RBFOX1: variants seen among roughly 807,000 people sequenced by gnomAD.
The protein encoded by RBFOX1 is RNA binding fox-1 homolog 1.
A neutral mutation model predicts 57.7 loss-of-function variants in RBFOX1; 8 were observed. That is an observed-to-expected ratio of 0.14 (90% CI 0.08 to 0.25). RBFOX1 has a LOEUF of 0.25. Among genes scored for constraint, RBFOX1 ranks in the 10% least tolerant of loss-of-function variants. RBFOX1 has a pLI of 1.00. For synonymous variants in RBFOX1, 326 were observed against 222.4 expected (o/e 1.47, Z -4.15); for missense variants, 611 against 548.5 (o/e 1.11, Z -1.14).
chr16:6,045,567 C>T (rs57893338), intron 1 of RBFOX1, among the ~76,000 whole-genome samples: 1 of 152,128 alleles, frequency 6.6e-6, no homozygotes, highest in Admixed American at 6.6e-5. Context: ...GAATACCTGT[C>T]AGACACCAGG....
intron 3 of RBFOX1, among the ~76,000 whole-genome samples, chr16:6,766,525 C>T (rs560220048): frequency 6.6e-6 from 1 of 151,832 alleles, no homozygotes; most frequent in East Asian, 2.0e-4. Context: ...TAGCACTGTC[C>T]AATAGAACTT....
At chr16:7,703,490 G>A (rs370115154) in intron 14 of RBFOX1, among the ~76,000 whole-genome samples, 121 of 152,268 alleles carry the variant, frequency 7.9e-4, no homozygotes, top group African/African-American at 2.8e-3. Context: ...ACTAATGGAA[G>A]AATAAAAAGT....
chr16:5,272,705 G>C (rs2063044448), intron 1 of RBFOX1, among the ~76,000 whole-genome samples: 1 of 152,146 alleles, frequency 6.6e-6, no homozygotes, highest in African/African-American at 2.4e-5. Context: ...ATCCTTGCTT[G>C]GTGTTGGCCA....
chr16:7,705,501 T>G (rs2082147579), intron 14 of RBFOX1, among the ~76,000 whole-genome samples: 4 of 152,066 alleles, frequency 2.6e-5, no homozygotes, highest in Admixed American at 2.6e-4. Flanking sequence ...CAAGACCAAC[T>G]CAAAAAAATA....
chr16:5,251,125 G>A (rs1335871361), intron 1 of RBFOX1, among the ~76,000 whole-genome samples: 3 of 136,078 alleles, frequency 2.2e-5, no homozygotes, highest in Non-Finnish European at 5.0e-5. Context: ...CCCTGCTAAC[G>A]GTCCCCCCAG....
intron 3 of RBFOX1, among the ~76,000 whole-genome samples, chr16:5,862,680 G>A (rs909286490): frequency 1.3e-5 from 2 of 152,138 alleles, no homozygotes; most frequent in East Asian, 1.9e-4. Flanking sequence ...TCCTTATCTG[G>A]ATCCATTTAA....
chr16:5,536,130 GTTCTTACCTCAAC>G (rs2044688102), intron 2 of RBFOX1, among the ~76,000 whole-genome samples: 1 of 133,900 alleles, frequency 7.5e-6, no homozygotes, highest in South Asian at 2.5e-4. Context: ...TTATTTAACA[GTTCTTACCTCAAC>G]TTATTTCTCT....
At chr16:5,923,167 G>T (rs558470257) in intron 4 of RBFOX1, among the ~76,000 whole-genome samples, 1 of 152,300 alleles carries the variant, frequency 6.6e-6, no homozygotes, top group African/African-American at 2.4e-5. Context: ...AGGAAAAACG[G>T]CTGCTAATGT....
At chr16:5,559,361 T>G (rs2045803342) in intron 2 of RBFOX1, among the ~76,000 whole-genome samples, 2 of 152,166 alleles carry the variant, frequency 1.3e-5, no homozygotes, top group Admixed American at 1.3e-4. Flanking sequence ...AGCCATTTGT[T>G]TTGTAATCTG....
chr16:6,218,533 C>G (rs991637242), intron 1 of RBFOX1, among the ~76,000 whole-genome samples: 2 of 152,084 alleles, frequency 1.3e-5, no homozygotes, highest in African/African-American at 4.8e-5. Context: ...TGATCTCAAA[C>G]TCCTGGCCTC....
chr16:7,026,150 C>T (rs1164659753), intron 3 of RBFOX1, among the ~76,000 whole-genome samples: 1 of 152,122 alleles, frequency 6.6e-6, no homozygotes, highest in Non-Finnish European at 1.5e-5. Context: ...CCTCCCTCTG[C>T]GTGGGGTCTC....
chr16:7,643,616 C>G (rs1186524589), intron 11 of RBFOX1, among the ~76,000 whole-genome samples: 2 of 152,276 alleles, frequency 1.3e-5, no homozygotes, highest in South Asian at 2.1e-4. Flanking sequence ...CTAGTACAAA[C>G]CTGCTCACTA....
intron 4 of RBFOX1, among the ~76,000 whole-genome samples, chr16:7,516,756 C>G (rs1403237697): frequency 6.6e-6 from 1 of 152,136 alleles, no homozygotes; most frequent in Admixed American, 6.5e-5. Context: ...AGTTCTCTTC[C>G]AAGTGTCATC....
chr16:6,525,033 T>C (rs1031966470), intron 2 of RBFOX1, among the ~76,000 whole-genome samples: 6 of 152,174 alleles, frequency 3.9e-5, no homozygotes, highest in African/African-American at 1.2e-4. Flanking sequence ...GAGATCTTCA[T>C]GTTAGTGGGA....
chr16:6,107,753 G>A lies in RBFOX1; in HGVS notation c.-127+87761G>A, dbSNP rs945693549. Among the ~76,000 whole-genome samples, 547 of 146,392 alleles carry A rather than the reference G, an allele frequency of 3.7e-3. 16 individuals are homozygous for A. The highest frequency in any genetic ancestry group is 0.034 in the Admixed American group (495 of 14,420). On this transcript the variant is annotated intron_variant, in intron 1 of 15. Transcript: ENST00000550418. ...GGTGGGTGGGTGGATGGATGGATGGGTGTTTGGATGGGTGGGTGGATGGAT... is the reference window on the plus strand; with the variant it reads ...GGTGGGTGGGTGGATGGATGGATGGATGTTTGGATGGGTGGGTGGATGGAT...
At chr16:6,970,478 C>A (rs1286392953) in intron 3 of RBFOX1, among the ~76,000 whole-genome samples, 1 of 152,084 alleles carries the variant, frequency 6.6e-6, no homozygotes, top group East Asian at 1.9e-4. Context: ...GTACATTGCT[C>A]ACAGTTCTGG....
intron 3 of RBFOX1, among the ~76,000 whole-genome samples, chr16:6,769,809 G>T (rs1269812779): frequency 6.6e-6 from 1 of 152,124 alleles, no homozygotes. Context: ...TTTTTTTGCA[G>T]CAATGATGCC....
At chr16:6,249,712 G>C (rs1178809738) in intron 1 of RBFOX1, among the ~76,000 whole-genome samples, 5 of 151,698 alleles carry the variant, frequency 3.3e-5, no homozygotes, top group Non-Finnish European at 5.9e-5. Flanking sequence ...TTTAATCTTA[G>C]AATGATGGGA....
At chr16:7,686,415 C>T (rs1042491159) in intron 14 of RBFOX1, among the ~76,000 whole-genome samples, 7 of 152,032 alleles carry the variant, frequency 4.6e-5, no homozygotes, top group African/African-American at 1.4e-4. Context: ...TCAGCTTAGG[C>T]CACCACACAT....
Sources: gnomAD v4.1 joint callset for allele counts (sites outside exome capture counted in the v4.1 genomes callset) on GRCh38, gnomAD v4.1.1 for gene constraint, MANE v1.5 for transcripts, NCBI Gene and HGNC (gene_info 2026-07-23, HGNC 2026-07-21) for gene names.